The following PAPPA variants were observed in gnomAD, a reference collection of about 807,000 sequenced individuals.
PAPPA encodes the protein pappalysin-1.
PAPPA carries 60 observed loss-of-function variants against 164.0 expected under a neutral mutation model. The observed-to-expected ratio is 0.37, with a 90% CI of 0.30 to 0.45. PAPPA has a LOEUF of 0.45. PAPPA is among the 20% of genes least tolerant of loss of function. The pLI is 1.00. For missense variants in PAPPA, 1,782 were observed against 2,087.3 expected, an observed-to-expected ratio of 0.85 and a Z score of 2.85; for synonymous variants, 875 against 814.1, an observed-to-expected ratio of 1.07 and a Z score of -1.27.
intron 4 of PAPPA, among the ~76,000 whole-genome samples, chr9:116,218,173 A>T (rs1403015549): frequency 6.6e-6 from 1 of 152,152 alleles, no homozygotes; most frequent in Non-Finnish European, 1.5e-5. Context: ...CAAATGTGTT[A>T]AAGACTTCCC....
intron 10 of PAPPA, among the ~76,000 whole-genome samples, chr9:116,317,911 T>C (rs1389712380): frequency 6.6e-6 from 1 of 152,232 alleles, no homozygotes; most frequent in East Asian, 1.9e-4. Flanking sequence ...ATTTCATTAA[T>C]TTCTTTCAGT....
intron 3 of PAPPA, among the ~76,000 whole-genome samples, chr9:116,211,187 G>A (rs565462417): frequency 3.1e-4 from 47 of 152,288 alleles, no homozygotes; most frequent in African/African-American, 1.1e-3. Context: ...AGTTAGTGAA[G>A]GCAAAATGGG....
At chr9:116,184,141 T>C (rs1843941405) in intron 1 of PAPPA, among the ~76,000 whole-genome samples, 1 of 152,114 alleles carries the variant, frequency 6.6e-6, no homozygotes, top group Admixed American at 6.5e-5. Context: ...AGAGAGAAGG[T>C]GAGCTAAGAG....
At chr9:116,223,385 C>A (rs574124344) in intron 5 of PAPPA, among the ~76,000 whole-genome samples, 5 of 152,226 alleles carry the variant, frequency 3.3e-5, no homozygotes, top group Non-Finnish European at 7.4e-5. Flanking sequence ...CAGTTACTGT[C>A]CATTAAATAA....
chr9:116,232,274 A>G (rs886149455), intron 6 of PAPPA, among the ~76,000 whole-genome samples: 1 of 152,066 alleles, frequency 6.6e-6, no homozygotes, highest in African/African-American at 2.4e-5. Flanking sequence ...TCTCCCAACT[A>G]TTCTCATGCT....
At chr9:116,207,781 C>T (rs558139422) in intron 3 of PAPPA, among the ~76,000 whole-genome samples, 180 bp downstream of exon 3, 12 of 152,244 alleles carry the variant, frequency 7.9e-5, no homozygotes, top group Admixed American at 2.6e-4. Flanking sequence ...ATTTTGACCA[C>T]CAAGCAATTT....
In PAPPA at chr9:116,270,731, T is replaced by C. The variant is rs550102556; in HGVS notation, c.2862-594T>C. 2.0e-5 allele frequency among the ~76,000 whole-genome samples: 3 copies of C among 152,306 alleles called. No individual in the cohort carries two copies. In the East Asian group the frequency reaches 5.8e-4, roughly 29 times the overall value. ...AACAAAAACAAAGGGGGCATTAGTA[T>C]TTCATAACAGTGTAGTCTCGCAGCC... On this transcript the variant is annotated intron_variant, in intron 8 of 21. Coordinates refer to ENST00000328252, the MANE Select transcript of PAPPA (RefSeq NM_002581.5).
intron 7 of PAPPA, among the ~76,000 whole-genome samples, chr9:116,257,894 G>A (rs1296678977): frequency 6.6e-6 from 1 of 151,674 alleles, no homozygotes; most frequent in Non-Finnish European, 1.5e-5. Context: ...CAAACTATTA[G>A]AATACAAATA....
At chr9:116,200,256 T>C (rs557459793) in intron 2 of PAPPA, among the ~76,000 whole-genome samples, 9 of 152,340 alleles carry the variant, frequency 5.9e-5, no homozygotes, top group Admixed American at 2.6e-4. Context: ...CCAAGGTTTA[T>C]TCTTTATGTG....
At chr9:116,199,924 C>T (rs1323102382) in intron 2 of PAPPA, among the ~76,000 whole-genome samples, 3 of 151,864 alleles carry the variant, frequency 2.0e-5, no homozygotes, top group African/African-American at 4.8e-5. Flanking sequence ...TTTTAACCAC[C>T]GACTCTCACC....
At position 116,219,974 on chromosome 9, in the gene PAPPA, C is replaced by T. The variant is rs200895581; in HGVS notation, c.1956C>T (p.Val652=). The T allele has an allele frequency of 9.3e-6, 15 of 1,613,930 alleles. No individual in the cohort carries two copies. The highest frequency in any genetic ancestry group is 5.3e-5 in the African/African-American group (4 of 75,030). The change falls in exon 5 of 22, where the codon GTC becomes GTT. Residue 652 remains valine (V), a synonymous_variant. Transcript: ENST00000328252. ...CGGACTCCTTCACGCCCAATCAAGT[C>T]GCCAGAATGCACTGTTACCTGGACC... ...DCTDSFTPNQ[V]ARMHCYLDLV...
At chr9:116,371,274 G>A (rs543403943) in intron 19 of PAPPA, among the ~76,000 whole-genome samples, 4 of 152,180 alleles carry the variant, frequency 2.6e-5, no homozygotes, top group South Asian at 4.1e-4. Flanking sequence ...AAAATTAGGC[G>A]AGCATGGTGG....
At chr9:116,184,767 T>C (rs1843949692) in intron 1 of PAPPA, among the ~76,000 whole-genome samples, 1 of 152,220 alleles carries the variant, frequency 6.6e-6, no homozygotes, top group South Asian at 2.1e-4. Context: ...TGATTCTCCC[T>C]GTACTTTAGT....
intron 21 of PAPPA, among the ~76,000 whole-genome samples, chr9:116,386,756 A>G (rs543049851): frequency 1.7e-4 from 26 of 152,274 alleles, no homozygotes; most frequent in African/African-American, 6.0e-4. Context: ...ACTGCCAGGG[A>G]ACTTTGGCAA....
intron 9 of PAPPA, among the ~76,000 whole-genome samples, chr9:116,285,171 C>CTTTTTTTTTTTTTTTTTTTTTT: frequency 1.7e-4 from 15 of 89,484 alleles, no homozygotes; most frequent in Non-Finnish European, 2.0e-4. Context: ...TTCTTTCTTT[C>CTTTTTTTTTTTTTTTTTTTTTT]TTTTTTTTTT....
chr9:116,275,588 C>T (rs1845186831), intron 9 of PAPPA, among the ~76,000 whole-genome samples: 1 of 152,210 alleles, frequency 6.6e-6, no homozygotes, highest in Middle Eastern at 3.4e-3. Context: ...TTTCTTCCTT[C>T]CACTGTTCTT....
intron 1 of PAPPA, among the ~76,000 whole-genome samples, chr9:116,185,632 C>T (rs1843960736): frequency 1.3e-5 from 2 of 152,198 alleles, no homozygotes; most frequent in Non-Finnish European, 2.9e-5. Context: ...TCATCTGACA[C>T]TTAAAATACA....
chr9:116,253,246 C>G (rs1844880761), intron 7 of PAPPA, among the ~76,000 whole-genome samples: 1 of 152,136 alleles, frequency 6.6e-6, no homozygotes, highest in Admixed American at 6.5e-5. Flanking sequence ...TCTCCAAACT[C>G]TACTTTGTGT....
chr9:116,211,410 A>G (rs1446921317), intron 3 of PAPPA, among the ~76,000 whole-genome samples: 1 of 152,184 alleles, frequency 6.6e-6, no homozygotes, highest in Non-Finnish European at 1.5e-5. Flanking sequence ...TGGCGTTTTC[A>G]TATGAAAAAT....
Sources: gnomAD v4.1 joint callset for allele counts (sites outside exome capture counted in the v4.1 genomes callset) on GRCh38, gnomAD v4.1.1 for gene constraint, MANE v1.5 for transcripts, NCBI Gene and HGNC (gene_info 2026-07-23, HGNC 2026-07-21) for gene names.